The following GABRB3 variants were observed in gnomAD, a reference collection of about 807,000 sequenced individuals.
GABRB3 encodes gamma-aminobutyric acid type A receptor subunit beta3, also known as gamma-aminobutyric acid receptor subunit beta-3.
GABRB3 carries 14 observed loss-of-function variants against 52.1 expected under a neutral mutation model. That is an observed-to-expected ratio of 0.27 (90% confidence interval 0.18 to 0.42). GABRB3 has a LOEUF of 0.42. Among genes scored for constraint, GABRB3 ranks in the 10% least tolerant of loss-of-function variants. GABRB3 has a pLI of 1.00. For missense variants in GABRB3, 307 were observed against 609.1 expected (o/e 0.50, Z 5.22); for synonymous variants, 260 against 232.3 (o/e 1.12, Z -1.08).
intron 3 of GABRB3, among the ~76,000 whole-genome samples, chr15:26,653,665 T>G (rs1048528285): frequency 6.6e-6 from 1 of 152,212 alleles, no homozygotes; most frequent in African/African-American, 2.4e-5. Flanking sequence ...ATTGGCTGTA[T>G]CTGGGCAGCA....
At chr15:26,684,957 C>G (rs1340481118) in intron 3 of GABRB3, among the ~76,000 whole-genome samples, 2 of 152,150 alleles carry the variant, frequency 1.3e-5, no homozygotes, top group Non-Finnish European at 2.9e-5. Context: ...AAATCTGGCG[C>G]CAATAGACTT....
rs151199907 is a variant in GABRB3 at position 26,581,429 on chromosome 15, C to T, written c.545-973G>A. Among the ~76,000 whole-genome samples, 829 of 152,346 alleles carry T rather than the reference C, an allele frequency of 5.4e-3. 10 individuals are homozygous for T. The highest frequency in any genetic ancestry group is 0.019 in the African/African-American group (798 of 41,572). ...CCTTCCTGGTCCTACCTACTCTCCT[C>T]TCTTTAATAAAACATGCATCTTTCC... On this transcript the variant is annotated intron_variant, in intron 5 of 8. Coordinates refer to ENST00000311550, the MANE Select transcript of GABRB3 (RefSeq NM_000814.6).
chr15:26,751,345 C>A (rs950608708), intron 3 of GABRB3, among the ~76,000 whole-genome samples: 16 of 152,168 alleles, frequency 1.1e-4, no homozygotes, highest in Non-Finnish European at 2.2e-4. Context: ...CAGAGATGCT[C>A]AGGAATGTGT....
intron 4 of GABRB3, among the ~76,000 whole-genome samples, chr15:26,620,669 T>C (rs1892449028): frequency 6.6e-6 from 1 of 152,162 alleles, no homozygotes; most frequent in Non-Finnish European, 1.5e-5. Flanking sequence ...CAAGGTGATA[T>C]TCAAAATAAT....
chr15:26,547,988 T>A lies in GABRB3; in HGVS notation c.1227A>T (p.Arg409=). The change falls in exon 9 of 9, where the codon CGA becomes CGT. Residue 409 remains arginine, a synonymous_variant. Transcript: ENST00000311550. ...GIQYRKQSMP[R]EGHGRFLGDR... ...CCCCCAGGAATCGCCCATGCCCTTCTCGAGGCATGCTCTGTTTCCTGTACT... is the reference window on the plus strand; with the variant it reads ...CCCCCAGGAATCGCCCATGCCCTTCACGAGGCATGCTCTGTTTCCTGTACT... The A allele has an allele frequency of 6.2e-7, 1 of 1,614,208 alleles. No individual in the cohort carries two copies.
At chr15:26,712,720 G>C (rs961604321) in intron 3 of GABRB3, among the ~76,000 whole-genome samples, 1 of 152,126 alleles carries the variant, frequency 6.6e-6, no homozygotes. Context: ...AGGCGAGGAG[G>C]GGGAGAGAAA....
intron 8 of GABRB3, among the ~76,000 whole-genome samples, chr15:26,552,984 G>A (rs546864237): frequency 1.3e-5 from 2 of 152,258 alleles, no homozygotes; most frequent in South Asian, 4.1e-4. Context: ...ACCATGAAAA[G>A]GGATTTGATA....
At chr15:26,555,909 AT>A (rs923698434) in intron 8 of GABRB3, among the ~76,000 whole-genome samples, 2 of 151,718 alleles carry the variant, frequency 1.3e-5, no homozygotes, top group Non-Finnish European at 1.5e-5. Flanking sequence ...TTACTCATGG[AT>A]TTTTTTTTCT....
intron 3 of GABRB3, among the ~76,000 whole-genome samples, chr15:26,628,348 G>C (rs902235009): frequency 2.0e-5 from 3 of 152,230 alleles, no homozygotes; most frequent in African/African-American, 7.2e-5. Context: ...ACTTGGGGGA[G>C]GCGAAGATGA....
At chr15:26,677,222 C>G (rs1239766809) in intron 3 of GABRB3, among the ~76,000 whole-genome samples, 1 of 152,194 alleles carries the variant, frequency 6.6e-6, no homozygotes, top group Non-Finnish European at 1.5e-5. Flanking sequence ...GTTCTGCCCC[C>G]CAAATACGTT....
rs1566770499 is a variant in GABRB3, at chr15:26,606,772, A to ATAGATAGATATATCGATAGATATATC, written c.461+14541_461+14542insGATATATCTATCGATATATCTATCTA. 3.9e-4 allele frequency among the ~76,000 whole-genome samples: 32 copies of ATAGATAGATATATCGATAGATATATC among 81,774 alleles called. 1 individual carries two copies. Among genetic ancestry groups the ATAGATAGATATATCGATAGATATATC allele is most frequent in the African/African-American group, 1.1e-3 (31 of 29,206 alleles). The allele number at this position is 81,774 out of a possible 152,430, so 53.6% of individuals were successfully genotyped here. A position where few individuals can be genotyped will look rare whatever the true frequency, so the allele number is the denominator to read the frequency against. The stretch of plus-strand genomic sequence containing the variant: ...ATATCATACATATCTGTCTATCTAT[A>ATAGATAGATATATCGATAGATATATC]GATAGATAGATATATCTATAGATAG... On this transcript the variant is annotated intron_variant, in intron 4 of 8. Coordinates refer to ENST00000311550, the MANE Select transcript of GABRB3 (RefSeq NM_000814.6).
chr15:26,765,821 A>G (rs1001404669), intron 3 of GABRB3, among the ~76,000 whole-genome samples: 1 of 152,228 alleles, frequency 6.6e-6, no homozygotes, highest in Non-Finnish European at 1.5e-5. Flanking sequence ...TCTAATTTAG[A>G]TAGCAGTGAA....
At chr15:26,714,715 T>C (rs1484975391) in intron 3 of GABRB3, among the ~76,000 whole-genome samples, 1 of 152,228 alleles carries the variant, frequency 6.6e-6, no homozygotes, top group Non-Finnish European at 1.5e-5. Flanking sequence ...AGCTTGACTT[T>C]TTCCCTTTAG....
intron 4 of GABRB3, among the ~76,000 whole-genome samples, chr15:26,588,260 T>G (rs1566761277): frequency 6.6e-6 from 1 of 152,218 alleles, no homozygotes; most frequent in African/African-American, 2.4e-5. Context: ...GGGATGGTGC[T>G]AATTCATCAT....
chr15:26,550,271 G>C (rs1889409774), intron 8 of GABRB3, among the ~76,000 whole-genome samples: 2 of 152,110 alleles, frequency 1.3e-5, no homozygotes, highest in African/African-American at 4.8e-5. Flanking sequence ...CAGCTGATAG[G>C]AGCAAAGATG....
chr15:26,676,460 T>A (rs1344654709), intron 3 of GABRB3, among the ~76,000 whole-genome samples: 1 of 152,086 alleles, frequency 6.6e-6, no homozygotes, highest in Non-Finnish European at 1.5e-5. Flanking sequence ...CTTGGGAAGA[T>A]CACAGAGACT....
chr15:26,587,837 C>T (rs1198751801), intron 4 of GABRB3, among the ~76,000 whole-genome samples: 1 of 152,066 alleles, frequency 6.6e-6, no homozygotes, highest in East Asian at 1.9e-4. Flanking sequence ...ATATATTTTT[C>T]GTTCTGACAG....
chr15:26,597,705 A>G (rs1327012892), intron 4 of GABRB3, among the ~76,000 whole-genome samples: 1 of 152,196 alleles, frequency 6.6e-6, no homozygotes, highest in African/African-American at 2.4e-5. Flanking sequence ...CACCACCAAT[A>G]CCTAACTTCA....
intron 3 of GABRB3, among the ~76,000 whole-genome samples, chr15:26,653,237 G>C (rs1033508989): frequency 3.9e-5 from 6 of 152,148 alleles, no homozygotes; most frequent in African/African-American, 1.4e-4. Context: ...TGGAAATTAG[G>C]GTTTAGGAGT....
Sources: allele counts gnomAD v4.1 joint callset (sites outside exome capture counted in the v4.1 genomes callset), GRCh38; gene constraint gnomAD v4.1.1; transcripts MANE v1.5; gene names NCBI Gene and HGNC (gene_info 2026-07-23, HGNC 2026-07-21).